ZFHX3: variants seen among roughly 807,000 people sequenced by gnomAD.
ZFHX3 encodes the protein zinc finger homeobox 3, also known as zinc finger homeobox protein 3.
ZFHX3 carries 42 observed loss-of-function variants against 279.1 expected under a neutral mutation model. That is an observed-to-expected ratio of 0.15 (90% confidence interval 0.12 to 0.19). ZFHX3 has a LOEUF of 0.19. Ranked by LOEUF, ZFHX3 falls within the 10% of genes least tolerant of loss-of-function variation. The pLI is 1.00. For synonymous variants in ZFHX3, 2,293 were observed against 1,957.8 expected (o/e 1.17, Z -4.52); for missense variants, 4,981 against 4,754.0 (o/e 1.05, Z -1.40).
intron 4 of ZFHX3, among the ~76,000 whole-genome samples, chr16:73,261,104 A>G (rs533594942): frequency 2.0e-5 from 3 of 152,364 alleles, no homozygotes; most frequent in Admixed American, 1.3e-4. Context: ...ATAGGATAGC[A>G]AAAGATTAGA....
At chr16:73,639,548 G>A (rs949718772) in intron 2 of ZFHX3, among the ~76,000 whole-genome samples, 4 of 152,118 alleles carry the variant, frequency 2.6e-5, no homozygotes, top group Non-Finnish European at 5.9e-5. Context: ...CCACCTTACT[G>A]AGTTGCACTG....
Position 72,795,326 on chromosome 16 carries a change from T to C in ZFHX3, c.7356A>G (p.Pro2452=), listed in dbSNP as rs1429459987. 10 of 1,614,106 alleles carry C rather than the reference T, an allele frequency of 6.2e-6. No homozygotes were observed. Among genetic ancestry groups the C allele is most frequent in the Admixed American group, 5.0e-5 (3 of 60,026 alleles). The change falls in exon 9 of 10, where the codon CCA becomes CCG. Residue 2452 remains proline, a synonymous_variant. Coordinates refer to ENST00000268489, the MANE Select transcript of ZFHX3 (RefSeq NM_006885.4). Reference sequence around the variant, plus strand: ...CGGGCTGCTCTTGCTGCTGCAGCTCTGGCTTTGGTTGTCCTTGCTTTTCTT... The same window carrying C: ...CGGGCTGCTCTTGCTGCTGCAGCTCCGGCTTTGGTTGTCCTTGCTTTTCTT... The part of the protein sequence containing the change: ...QTQEKQGQPK[P]ELQQQEQPEQ...
chr16:73,049,706 C>T (rs757106142), upstream of ZFHX3, among the ~76,000 whole-genome samples: 2 of 151,898 alleles, frequency 1.3e-5, no homozygotes, highest in South Asian at 2.1e-4. Context: ...CGTGAGAGCA[C>T]GGGGGCCGGG....
intron 1 of ZFHX3, among the ~76,000 whole-genome samples, chr16:73,798,643 G>A (rs1474412382): frequency 2.0e-5 from 3 of 152,130 alleles, no homozygotes; most frequent in African/African-American, 7.2e-5. Flanking sequence ...AGGAAATTCA[G>A]GAAGTTGGCT....
At chr16:73,022,997 G>A (rs928054803) in intron 1 of ZFHX3, among the ~76,000 whole-genome samples, 2 of 152,224 alleles carry the variant, frequency 1.3e-5, no homozygotes, top group Non-Finnish European at 2.9e-5. Flanking sequence ...GAAGGCCGAG[G>A]CGGGCAGATC....
At chr16:73,079,039 A>ATATCT (rs1219264815) in intron 8 of ZFHX3, among the ~76,000 whole-genome samples, 1 of 152,044 alleles carries the variant, frequency 6.6e-6, no homozygotes, top group Admixed American at 6.6e-5. Context: ...TCATCATGAA[A>ATATCT]TATCTTTGTA....
intron 2 of ZFHX3, among the ~76,000 whole-genome samples, chr16:72,954,597 C>T (rs1288881384): frequency 2.0e-5 from 3 of 152,172 alleles, no homozygotes; most frequent in Non-Finnish European, 2.9e-5. Context: ...AAACCTTGTG[C>T]AGGTGTCCAG....
intron 3 of ZFHX3, among the ~76,000 whole-genome samples, chr16:73,369,445 G>A (rs181224505): frequency 6.6e-6 from 1 of 152,342 alleles, no homozygotes; most frequent in African/African-American, 2.4e-5. Flanking sequence ...CAGCACCCAT[G>A]GTGGGAATCG....
At chr16:73,656,517 C>T (rs1271136709) in intron 2 of ZFHX3, among the ~76,000 whole-genome samples, 2 of 152,134 alleles carry the variant, frequency 1.3e-5, no homozygotes, top group Non-Finnish European at 1.5e-5. Flanking sequence ...GAGAAGAAAT[C>T]AAAGGGAATT....
intron 1 of ZFHX3, among the ~76,000 whole-genome samples, chr16:73,033,833 C>A (rs1273055359): frequency 1.3e-5 from 2 of 152,142 alleles, no homozygotes; most frequent in African/African-American, 4.8e-5. Context: ...ACAGCAATGG[C>A]AAAGGAAAAT....
In ZFHX3 at chr16:72,820,302, T is replaced by G. The variant is rs1374422618; in HGVS notation, c.3530-8264A>C. ...AAGCCCTACATCAGAGACATCAATC[T>G]GTTGCACTAATTCCTTGCTGAAGTA... is the stretch of plus-strand genomic sequence containing the variant. On this transcript the variant is annotated intron_variant, in intron 5 of 9. Transcript: ENST00000268489. 2.0e-5 allele frequency among the ~76,000 whole-genome samples: 3 copies of G among 152,236 alleles called. No individual in the cohort carries two copies. In the East Asian group the frequency reaches 5.8e-4, roughly 29 times the overall value.
intron 2 of ZFHX3, among the ~76,000 whole-genome samples, chr16:73,665,880 G>A (rs564490809): frequency 5.3e-5 from 7 of 131,384 alleles, no homozygotes; most frequent in African/African-American, 2.1e-4. Flanking sequence ...TCACTCTGTC[G>A]CCCAGGCTCA....
At chr16:73,843,331 A>C (rs1247530004) in intron 1 of ZFHX3, among the ~76,000 whole-genome samples, 1 of 152,222 alleles carries the variant, frequency 6.6e-6, no homozygotes, top group Non-Finnish European at 1.5e-5. Context: ...GCTCTGTTTT[A>C]AAACGTGTGA....
chr16:73,655,146 C>G (rs1322605672), intron 2 of ZFHX3, among the ~76,000 whole-genome samples: 1 of 152,116 alleles, frequency 6.6e-6, no homozygotes, highest in Non-Finnish European at 1.5e-5. Flanking sequence ...CAGGCGTGAG[C>G]CACCACACCC....
intron 3 of ZFHX3, among the ~76,000 whole-genome samples, chr16:73,405,467 A>G (rs893214168): frequency 6.6e-6 from 1 of 152,238 alleles, no homozygotes; most frequent in Non-Finnish European, 1.5e-5. Flanking sequence ...TTATCTGTAT[A>G]AAGCAAAGAA....
chr16:73,157,323 G>C (rs1456824426), intron 5 of ZFHX3, among the ~76,000 whole-genome samples: 3 of 151,710 alleles, frequency 2.0e-5, no homozygotes, highest in African/African-American at 4.9e-5. Context: ...CCTTGCATCA[G>C]CTCAGCTATC....
At chr16:73,014,670 G>A (rs1198663778) in intron 1 of ZFHX3, among the ~76,000 whole-genome samples, 1 of 151,402 alleles carries the variant, frequency 6.6e-6, no homozygotes. Flanking sequence ...GGGATTACAG[G>A]CAGGCACCAC....
At chr16:73,718,237 CCT>C (rs1282861611) in intron 1 of ZFHX3, among the ~76,000 whole-genome samples, 3 of 152,116 alleles carry the variant, frequency 2.0e-5, no homozygotes, top group African/African-American at 7.2e-5. Flanking sequence ...ATGGCAAAAC[CCT>C]GTCTCTACAA....
At chr16:72,873,989 C>G (rs1359518085) in intron 4 of ZFHX3, among the ~76,000 whole-genome samples, 3 of 152,138 alleles carry the variant, frequency 2.0e-5, no homozygotes, top group Admixed American at 6.6e-5. Flanking sequence ...AGAACACTCA[C>G]TTTATTCAAA....
Sources: gnomAD v4.1 joint callset for allele counts (sites outside exome capture counted in the v4.1 genomes callset) on GRCh38, gnomAD v4.1.1 for gene constraint, MANE v1.5 for transcripts, NCBI Gene and HGNC (gene_info 2026-07-23, HGNC 2026-07-21) for gene names.